The following ZNF699 variants were observed in gnomAD, a reference collection of about 807,000 sequenced individuals.
ZNF699 encodes the protein hangover homolog.
ZNF699 carries 18 observed loss-of-function variants against 22.5 expected under a neutral mutation model. The ratio of observed to expected loss-of-function variants is 0.80; its 90% CI spans 0.55 to 1.19. ZNF699 has a LOEUF of 1.19. Ranked by LOEUF, ZNF699 falls within the 50% of genes most tolerant of loss-of-function variation. The pLI is 0.00. For missense variants in ZNF699, 670 were observed against 763.4 expected (o/e 0.88, Z 1.44); for synonymous variants, 241 against 262.3 (o/e 0.92, Z 0.78).
At chr19:9,299,327 G>T (rs148839031) in intron 3 of ZNF699, among the ~76,000 whole-genome samples, 1,932 of 152,244 alleles carry the variant, frequency 0.013, 44 homozygotes, top group African/African-American at 0.043. Context: ...GTAGAGACGG[G>T]GTTACACCGT....
rs763766736 is a variant in ZNF699, at chr19:9,296,471, T to C, written c.933A>G (p.Glu311=). 6.2e-7 allele frequency: 1 copy of C among 1,614,042 alleles called. No homozygotes were observed. Among genetic ancestry groups the C allele is most frequent in the Admixed American group, 1.7e-5 (1 of 59,998 alleles). ...HSGDKPYECK[E]CGKAFSCSSS... ...AGGAACAACTGAAGGCCTTCCCACA[T>C]TCCTTACATTCATAAGGCTTATCTC... Residue 311 remains glutamate (E), a synonymous_variant, in exon 6 of 6, where the codon GAA becomes GAG. Transcript: ENST00000591998.
At chr19:9,298,416 C>T (rs900564347) in intron 3 of ZNF699, among the ~76,000 whole-genome samples, 6 of 145,458 alleles carry the variant, frequency 4.1e-5, no homozygotes, top group Non-Finnish European at 7.5e-5. Flanking sequence ...ACTGCACTCC[C>T]GCCCGGGCGA....
In ZNF699 at chr19:9,294,013, G is replaced by A. The variant is rs967908992; in HGVS notation, c.*1462C>T. Among the ~76,000 whole-genome samples, 1 of 151,478 alleles carries A rather than the reference G, an allele frequency of 6.6e-6. No individual in the cohort carries two copies. Among genetic ancestry groups the A allele is most frequent in the African/African-American group, 2.4e-5 (1 of 41,236 alleles). Reference sequence around the variant, plus strand: ...CTCCATTAAAACAGGATGATACCCTGTGGATGCTTACCTCAATTACCAAGG... The same window carrying A: ...CTCCATTAAAACAGGATGATACCCTATGGATGCTTACCTCAATTACCAAGG... On this transcript the variant is annotated 3_prime_UTR_variant, in exon 6 of 6. Transcript: ENST00000591998.
At position 9,293,323 on chromosome 19, in the gene ZNF699, C is replaced by T. The variant is rs1254854061; in HGVS notation, c.*2152G>A. On this transcript the variant is annotated 3_prime_UTR_variant, in exon 6 of 6. Transcript: ENST00000591998. ...GGACAGGTGTGTGAAACAACTGGAA[C>T]TTTCATGCATTGTTTTGGGGATTAT... Among the ~76,000 whole-genome samples the T allele has an allele frequency of 1.3e-5, 2 of 152,068 alleles. No homozygotes were observed. Among genetic ancestry groups the T allele is most frequent in the Admixed American group, 1.3e-4 (2 of 15,264 alleles).
intron 3 of ZNF699, among the ~76,000 whole-genome samples, chr19:9,300,247 A>AT (rs1373104397): frequency 6.6e-6 from 1 of 152,002 alleles, no homozygotes; most frequent in Non-Finnish European, 1.5e-5. Context: ...CACCCGGCTA[A>AT]TTTTTTGTAT....
At chr19:9,298,821 A>G (rs1379954123) in intron 3 of ZNF699, among the ~76,000 whole-genome samples, 1 of 152,184 alleles carries the variant, frequency 6.6e-6, no homozygotes, top group Non-Finnish European at 1.5e-5. Context: ...CGTCCCCTCA[A>G]AATTTATGTT....
intron 2 of ZNF699, among the ~76,000 whole-genome samples, chr19:9,304,401 A>G (rs941103854): frequency 6.7e-6 from 1 of 149,760 alleles, no homozygotes; most frequent in Non-Finnish European, 1.5e-5. Flanking sequence ...TTTCCCCCTC[A>G]CAAAACTGAG....
In ZNF699 at chr19:9,293,642, A is replaced by C. The variant is rs1407696723; in HGVS notation, c.*1833T>G. 6.6e-6 allele frequency among the ~76,000 whole-genome samples: 1 copy of C among 152,200 alleles called. No individual in the cohort carries two copies. Among genetic ancestry groups the C allele is most frequent in the African/African-American group, 2.4e-5 (1 of 41,462 alleles). ...GTGGTTGCCCTGTGGAGTAATTATC[A>C]CTGAGAAAGAGGATGAAGGAACTTC... On this transcript the variant is annotated 3_prime_UTR_variant, in exon 6 of 6. Coordinates refer to ENST00000591998, the MANE Select transcript of ZNF699 (RefSeq NM_198535.3).
rs1351174785 is a variant in ZNF699, at chr19:9,296,670, G to A, written c.734C>T (p.Pro245Leu). ...ACATTCATAGGGCTTCTCTTCAGTG[G>A]GGGTTTTCATATGCTTCTTGAAACA... The part of the protein sequence containing the change: ...LACFKKHMKT[P>L]TEEKPYECKE... Residue 245 changes from proline (P) to leucine (L), a missense_variant, in exon 6 of 6, where the codon CCC becomes CTC. Coordinates refer to ENST00000591998, the MANE Select transcript of ZNF699 (RefSeq NM_198535.3). The A allele has an allele frequency of 6.2e-7, 1 of 1,609,250 alleles. No individual in the cohort carries two copies. The highest frequency in any genetic ancestry group is 2.2e-5 in the East Asian group (1 of 44,534).
Position 9,292,727 on chromosome 19 carries a change from T to C in ZNF699, c.*2748A>G, listed in dbSNP as rs923579032. ...ACATATTTTATGTATATATGTAATA[T>C]ATGATACATGGTTTATACATATCTA... On this transcript the variant is annotated 3_prime_UTR_variant, in exon 6 of 6. Coordinates refer to ENST00000591998, the MANE Select transcript of ZNF699 (RefSeq NM_198535.3). Among the ~76,000 whole-genome samples, 1 of 152,040 alleles carries C rather than the reference T, an allele frequency of 6.6e-6. No homozygotes were observed. Among genetic ancestry groups the C allele is most frequent in the Non-Finnish European group, 1.5e-5 (1 of 68,016 alleles).
At chr19:9,299,293 CCTGG>C (rs1224526943) in intron 3 of ZNF699, among the ~76,000 whole-genome samples, 1 of 152,214 alleles carries the variant, frequency 6.6e-6, no homozygotes, top group Non-Finnish European at 1.5e-5. Flanking sequence ...TGCCACCACA[CCTGG>C]CTAATTTTTT....
At chr19:9,298,107 T>C in intron 3 of ZNF699, 117 bp from the exon 4 acceptor site, 1 of 627,880 alleles carries the variant, frequency 1.6e-6, no homozygotes, top group Non-Finnish European at 2.8e-6. Flanking sequence ...ACTGTGAGTT[T>C]AACTGCAACA....
rs73920733 is a variant in ZNF699 at position 9,297,982 on chromosome 19, G to A, written c.184C>T (p.Leu62=). The A allele has an allele frequency of 0.088, 141,113 of 1,606,970 alleles. 7,486 individuals are homozygous for A. The highest frequency in any genetic ancestry group is 0.23 in the African/African-American group (17,205 of 74,370). ...FQNLASLGYP[L]HTPHLISQWE... is the part of the protein sequence containing the mutation. ...TGGGAGATCAGATGGGGTGTGTGTA[G>A]CGGATACCCTGCACAAGCAGAAAGG... is the stretch of plus-strand genomic sequence containing the variant. The change falls in exon 4 of 6, where the codon CTA becomes TTA. Residue 62 remains leucine, a synonymous_variant. Transcript: ENST00000591998. The surrounding 1 kb of genome is among the most constrained non-coding windows in gnomAD (Gnocchi z 4.3).
chr19:9,292,199 T>C lies in ZNF699; in HGVS notation c.*3276A>G, dbSNP rs1248667841. On this transcript the variant is annotated 3_prime_UTR_variant, in exon 6 of 6. Coordinates refer to ENST00000591998, the MANE Select transcript of ZNF699 (RefSeq NM_198535.3). ...CCACTCCTTCCTCCTCCCCTCTGCA[T>C]ATGCCCCAAAACTGCCAGGACTCTA... Among the ~76,000 whole-genome samples the C allele has an allele frequency of 6.6e-6, 1 of 152,116 alleles. No homozygotes were observed. Among genetic ancestry groups the C allele is most frequent in the African/African-American group, 2.4e-5 (1 of 41,402 alleles).
At position 9,297,332 on chromosome 19, in the gene ZNF699, A is replaced by G. The variant is rs760752772; in HGVS notation, c.434T>C (p.Ile145Thr). 2 of 1,599,686 alleles carry G rather than the reference A, an allele frequency of 1.3e-6. No homozygotes were observed. The highest frequency in any genetic ancestry group is 2.3e-5 in the East Asian group (1 of 44,358). Residue 145 changes from isoleucine (I) to threonine (T), a missense_variant, in exon 5 of 6, where the codon ATT becomes ACT. By Grantham distance (89) the Ile-to-Thr change is moderately conservative. Coordinates refer to ENST00000591998, the MANE Select transcript of ZNF699 (RefSeq NM_198535.3). This position sits in a 1 kb window ranked among gnomAD's most constrained non-coding sequence, Gnocchi z 4.3. ...SLHENQESCG[I>T]DYQNKSHERH... ...CTCATGGCTTTTGTTCTGATAATCA[A>G]TACCACAGGACTCCTGGTTTTCATG...
At position 9,294,684 on chromosome 19, in the gene ZNF699, T is replaced by C. The variant is rs1367886985; in HGVS notation, c.*791A>G. 1 of 152,202 alleles carries C rather than the reference T, an allele frequency of 6.6e-6. No individual in the cohort carries two copies. Among genetic ancestry groups the C allele is most frequent in the Non-Finnish European group, 1.5e-5 (1 of 68,036 alleles). 9.4% of individuals were successfully genotyped at this position (152,202 alleles called of 1,614,324 possible). ...AATGTAGTTAATGTAACACAATTTT[T>C]ACACTCAAAACACTGGATCCAATTC... On this transcript the variant is annotated 3_prime_UTR_variant, in exon 6 of 6. Coordinates refer to ENST00000591998, the MANE Select transcript of ZNF699 (RefSeq NM_198535.3).
rs755517613 is a variant in ZNF699 at position 9,296,848 on chromosome 19, G to A, written c.556C>T (p.Leu186Phe). The change falls in exon 6 of 6, where the codon CTC becomes TTC. Residue 186 changes from leucine to phenylalanine, a missense_variant. Transcript: ENST00000591998. ...TFSQVPNLDS[L>F]KRNTEVKSCE... Reference sequence around the variant, plus strand: ...GATTTTACTTCAGTATTTCTCTTGAGTGAATCAAGATTTGGAACTTGGCTG... The same window carrying A: ...GATTTTACTTCAGTATTTCTCTTGAATGAATCAAGATTTGGAACTTGGCTG... 1.9e-6 allele frequency: 3 copies of A among 1,614,020 alleles called. No individual in the cohort carries two copies. The highest frequency in any genetic ancestry group is 2.5e-6 in the Non-Finnish European group (3 of 1,179,926).
rs544805619 is a variant in ZNF699, at chr19:9,293,128, CAAAA to C, written c.*2343_*2346del. 1.6e-5 allele frequency among the ~76,000 whole-genome samples: 1 copy of C among 63,008 alleles called. No individual in the cohort carries two copies. The highest frequency in any genetic ancestry group is 5.0e-5 in the African/African-American group (1 of 20,050). 41.3% of individuals were successfully genotyped at this position (63,008 alleles called of 152,430 possible). ...CCAACCTGGGCACAAGAGTCCGTCT[CAAAA>C]AAAAAAAAAAAGAAAAGAAATCATA... On this transcript the variant is annotated 3_prime_UTR_variant, in exon 6 of 6. Transcript: ENST00000591998.
In ZNF699 at chr19:9,304,415, C is replaced by T. The variant is rs78350491; in HGVS notation, c.48+657G>A. 1.8e-4 allele frequency among the ~76,000 whole-genome samples: 27 copies of T among 151,490 alleles called. 1 individual carries two copies. In the East Asian group the frequency reaches 4.9e-3, roughly 27 times the overall value. On this transcript the variant is annotated intron_variant, in intron 2 of 5. Coordinates refer to ENST00000591998, the MANE Select transcript of ZNF699 (RefSeq NM_198535.3). Reference sequence around the variant, plus strand: ...TTTTCCCCCTCACAAAACTGAGAGGCCCAGGAGACTGCATAAGCACAATTT... The same window carrying T: ...TTTTCCCCCTCACAAAACTGAGAGGTCCAGGAGACTGCATAAGCACAATTT...
Sources: gnomAD v4.1 joint callset for allele counts (sites outside exome capture counted in the v4.1 genomes callset) on GRCh38, gnomAD v4.1.1 for gene constraint, Gnocchi (gnomAD v3.1) non-coding constraint, MANE v1.5 for transcripts, NCBI Gene and HGNC (gene_info 2026-07-23, HGNC 2026-07-21) for gene names.